Variants in TMEM163 observed in about 807,000 individuals in gnomAD.
TMEM163 encodes transmembrane protein 163.
TMEM163 carries 17 observed loss-of-function variants against 29.3 expected under a neutral mutation model. The observed-to-expected ratio is 0.58, with a 90% CI of 0.40 to 0.87. TMEM163 has a LOEUF of 0.87. TMEM163 is among the 40% of genes least tolerant of loss of function. TMEM163 has a pLI of 0.00. For missense variants in TMEM163, 303 were observed against 381.5 expected, an observed-to-expected ratio of 0.79 and a Z score of 1.71; for synonymous variants, 157 against 160.6, an observed-to-expected ratio of 0.98 and a Z score of 0.17.
intron 2 of TMEM163, among the ~76,000 whole-genome samples, chr2:134,674,593 C>T (rs1242599922): frequency 6.6e-6 from 1 of 151,632 alleles, no homozygotes; most frequent in Non-Finnish European, 1.5e-5. Flanking sequence ...CTCCTGACTT[C>T]GTGATCCGCC....
At chr2:134,707,353 A>T (rs1684837221) in intron 2 of TMEM163, among the ~76,000 whole-genome samples, 1 of 152,196 alleles carries the variant, frequency 6.6e-6, no homozygotes, top group Non-Finnish European at 1.5e-5. Flanking sequence ...TGCACAGAAA[A>T]TGTCCTGAAG....
chr2:134,601,513 A>C (rs539856046), intron 2 of TMEM163, among the ~76,000 whole-genome samples: 1 of 152,406 alleles, frequency 6.6e-6, no homozygotes, highest in East Asian at 1.9e-4. Flanking sequence ...ATGAGCTTCC[A>C]GGAGACAGAT....
intron 2 of TMEM163, among the ~76,000 whole-genome samples, chr2:134,555,867 C>G (rs1241396148): frequency 1.3e-5 from 2 of 152,230 alleles, no homozygotes; most frequent in African/African-American, 4.8e-5. Flanking sequence ...GGCACCTGCC[C>G]TACCCTCAAG....
At chr2:134,606,584 G>A (rs1397286712) in intron 2 of TMEM163, among the ~76,000 whole-genome samples, 1 of 152,172 alleles carries the variant, frequency 6.6e-6, no homozygotes, top group Admixed American at 6.5e-5. Context: ...GAGTCGGGCT[G>A]GGGAAGAGGA....
At chr2:134,570,810 A>T (rs144804112) in intron 2 of TMEM163, among the ~76,000 whole-genome samples, 1 of 152,162 alleles carries the variant, frequency 6.6e-6, no homozygotes. Flanking sequence ...ATTCAAGGCC[A>T]CTTGTGTAGA....
intron 2 of TMEM163, among the ~76,000 whole-genome samples, chr2:134,561,102 G>A (rs763431236): frequency 6.6e-5 from 10 of 152,230 alleles, no homozygotes; most frequent in Non-Finnish European, 2.9e-5. Flanking sequence ...GGCCGTCTCC[G>A]CCGTCTCCGA....
intron 2 of TMEM163, among the ~76,000 whole-genome samples, chr2:134,579,399 G>A (rs140802570): frequency 9.1e-4 from 139 of 152,288 alleles, no homozygotes; most frequent in African/African-American, 3.2e-3. Flanking sequence ...GTGACATAAT[G>A]TTTTAGGATG....
rs931616354 is a variant in TMEM163, at chr2:134,455,763, A to G, written c.*953T>C. On this transcript the variant is annotated 3_prime_UTR_variant, in exon 8 of 8. Coordinates refer to ENST00000281924, the MANE Select transcript of TMEM163 (RefSeq NM_030923.5). ...CTGCCAAAGATTGCCTTCCCATGCC[A>G]TACAAAACAGGTAAAGGTCTTTATT... 1.3e-5 allele frequency: 2 copies of G among 152,292 alleles called. No homozygotes were observed. Among genetic ancestry groups the G allele is most frequent in the Admixed American group, 6.5e-5 (1 of 15,280 alleles). The allele number at this position is 152,292 out of a possible 1,614,324, so 9.4% of individuals were successfully genotyped here. A position where few individuals can be genotyped will look rare whatever the true frequency, so the allele number is the denominator to read the frequency against.
At chr2:134,599,979 AT>A (rs1387089330) in intron 2 of TMEM163, among the ~76,000 whole-genome samples, 1 of 152,158 alleles carries the variant, frequency 6.6e-6, no homozygotes, top group Non-Finnish European at 1.5e-5. Context: ...GAACCTCATA[AT>A]AGAAAGTGTT....
At position 134,584,743 on chromosome 2, in the gene TMEM163, C is replaced by T. The variant is rs143186859; in HGVS notation, c.323-32652G>A. ...AGAGAGTCTGGGTGGCAACTTTTAC[C>T]GGATTCAGACACAAATGTTCATTCA... On this transcript the variant is annotated intron_variant, in intron 2 of 7. Transcript: ENST00000281924. Among the ~76,000 whole-genome samples, 249 of 152,016 alleles carry T rather than the reference C, an allele frequency of 1.6e-3. 1 individual carries two copies. Among genetic ancestry groups the T allele is most frequent in the African/African-American group, 5.8e-3 (242 of 41,432 alleles).
intron 2 of TMEM163, among the ~76,000 whole-genome samples, chr2:134,563,809 C>T (rs184940296): frequency 5.9e-5 from 9 of 152,282 alleles, no homozygotes; most frequent in East Asian, 1.9e-4. Context: ...AATCCCAGCA[C>T]TTTGGGAGGC....
rs1558971788 is a variant in TMEM163, at chr2:134,633,993, ATATATATATATATATATATATATATAT to A, written c.322+79180_322+79206del. On this transcript the variant is annotated intron_variant, in intron 2 of 7. Transcript: ENST00000281924. ...TATATATATATATATATATATATAT[ATATATATATATATATATATATATATAT>A]AATAGGACTGTTTTAAGATGCAAAA... 7.9e-5 allele frequency among the ~76,000 whole-genome samples: 9 copies of A among 113,298 alleles called. 1 individual carries two copies. Among genetic ancestry groups the A allele is most frequent in the African/African-American group, 2.9e-4 (7 of 23,864 alleles). 74.3% of individuals were successfully genotyped at this position (113,298 alleles called of 152,430 possible).
chr2:134,681,898 C>T (rs975281030), intron 2 of TMEM163, among the ~76,000 whole-genome samples: 1 of 152,212 alleles, frequency 6.6e-6, no homozygotes, highest in East Asian at 1.9e-4. Context: ...ACATTTAGAA[C>T]CCAGATTCAA....
At chr2:134,633,963 ATACATATATATAT>A (rs1558971716) in intron 2 of TMEM163, among the ~76,000 whole-genome samples, 7 of 85,048 alleles carry the variant, frequency 8.2e-5, no homozygotes, top group African/African-American at 2.8e-4. Flanking sequence ...CAAAAAAAAA[ATACATATATATAT>A]ATATATATAT....
Position 134,456,202 on chromosome 2 carries a change from A to G in TMEM163, c.*514T>C, listed in dbSNP as rs1181601710. ...AATCTGTTTAGACTTAGGATTAGTA[A>G]AACAGTATGAAATAATGAGATACAC... On this transcript the variant is annotated 3_prime_UTR_variant, in exon 8 of 8. Transcript: ENST00000281924. 1 of 155,104 alleles carries G rather than the reference A, an allele frequency of 6.4e-6. No individual in the cohort carries two copies. The highest frequency in any genetic ancestry group is 2.0e-4 in the South Asian group (1 of 4,930). 9.6% of individuals were successfully genotyped at this position (155,104 alleles called of 1,614,324 possible).
At position 134,634,023 on chromosome 2, in the gene TMEM163, T is replaced by A. The variant is rs1435188038; in HGVS notation, c.322+79177A>T. 4.0e-5 allele frequency among the ~76,000 whole-genome samples: 4 copies of A among 100,084 alleles called. 1 individual carries two copies. Among genetic ancestry groups the A allele is most frequent in the East Asian group, 3.6e-4 (1 of 2,748 alleles). 65.7% of individuals were successfully genotyped at this position (100,084 alleles called of 152,430 possible). On this transcript the variant is annotated intron_variant, in intron 2 of 7. Coordinates refer to ENST00000281924, the MANE Select transcript of TMEM163 (RefSeq NM_030923.5). ...TATATATATATATATATATATATAA[T>A]AGGACTGTTTTAAGATGCAAAAGTA...
chr2:134,547,258 T>C (rs1680813460), intron 4 of TMEM163, among the ~76,000 whole-genome samples: 1 of 152,170 alleles, frequency 6.6e-6, no homozygotes, highest in Admixed American at 6.5e-5. Context: ...ACAAAAACTA[T>C]CAGGGCTAGG....
chr2:134,666,659 A>T (rs1028043998), intron 2 of TMEM163, among the ~76,000 whole-genome samples: 1 of 152,194 alleles, frequency 6.6e-6, no homozygotes, highest in African/African-American at 2.4e-5. Context: ...CTTTCACTTA[A>T]GACTAAGAGC....
intron 2 of TMEM163, among the ~76,000 whole-genome samples, chr2:134,554,220 C>T (rs1680996125): frequency 6.6e-6 from 1 of 151,848 alleles, no homozygotes; most frequent in Non-Finnish European, 1.5e-5. Flanking sequence ...GTCAAGAGAT[C>T]GAGACCATCC....
Sources: gnomAD v4.1 joint callset for allele counts (sites outside exome capture counted in the v4.1 genomes callset) on GRCh38, gnomAD v4.1.1 for gene constraint, MANE v1.5 for transcripts, NCBI Gene and HGNC (gene_info 2026-07-23, HGNC 2026-07-21) for gene names.